Variants in SGCZ observed in about 807,000 individuals in gnomAD.
SGCZ encodes the protein sarcoglycan zeta.
Under a neutral mutation model 41.3 loss-of-function variants are expected in SGCZ, and 40 were observed. That is an observed-to-expected ratio of 0.97 (90% CI 0.75 to 1.26). The LOEUF (loss-of-function observed/expected upper bound fraction) is 1.26, where lower values mean the gene tolerates loss of function less well. Among genes scored for constraint, SGCZ ranks in the 50% most tolerant of loss-of-function variants. The pLI is 0.00. For synonymous variants in SGCZ, 206 were observed against 137.5 expected, an observed-to-expected ratio of 1.50 and a Z score of -3.49; for missense variants, 552 against 369.8, an observed-to-expected ratio of 1.49 and a Z score of -4.04.
intron 4 of SGCZ, among the ~76,000 whole-genome samples, chr8:14,203,575 G>C (rs1805524290): frequency 6.6e-6 from 1 of 151,656 alleles, no homozygotes; most frequent in Non-Finnish European, 1.5e-5. Flanking sequence ...GCCAGAGTTT[G>C]AGTATTTTCT....
intron 1 of SGCZ, among the ~76,000 whole-genome samples, chr8:14,876,317 A>C (rs1804355155): frequency 6.6e-6 from 1 of 152,208 alleles, no homozygotes; most frequent in Admixed American, 6.6e-5. Context: ...AAAACAACAT[A>C]GCATTACAAA....
At chr8:14,984,469 A>G (rs1801766357) in intron 1 of SGCZ, among the ~76,000 whole-genome samples, 2 of 152,094 alleles carry the variant, frequency 1.3e-5, no homozygotes, top group African/African-American at 2.4e-5. Flanking sequence ...CCTTTAATCT[A>G]TAGATTTTTT....
intron 1 of SGCZ, among the ~76,000 whole-genome samples, chr8:14,678,101 A>G (rs1808332246): frequency 6.6e-6 from 1 of 152,214 alleles, no homozygotes; most frequent in South Asian, 2.1e-4. Context: ...CAAGTAACAT[A>G]GGAGAAAATC....
chr8:14,536,575 A>G (rs1011917267), intron 2 of SGCZ, among the ~76,000 whole-genome samples: 64 of 151,932 alleles, frequency 4.2e-4, no homozygotes, highest in African/African-American at 1.4e-3. Flanking sequence ...AGGAATTTCT[A>G]TAATTTAAGC....
At chr8:14,801,218 T>A (rs547726599) in intron 1 of SGCZ, among the ~76,000 whole-genome samples, 1 of 152,258 alleles carries the variant, frequency 6.6e-6, no homozygotes, top group East Asian at 1.9e-4. Context: ...ACTCAGTGTA[T>A]TGAAACAGAG....
At chr8:15,171,500 T>C (rs545583528) in intron 1 of SGCZ, among the ~76,000 whole-genome samples, 2 of 152,368 alleles carry the variant, frequency 1.3e-5, no homozygotes, top group South Asian at 4.1e-4. Flanking sequence ...TCAGAGTCCC[T>C]GTGCTCTGAA....
intron 2 of SGCZ, among the ~76,000 whole-genome samples, chr8:14,410,337 T>A (rs1799325662): frequency 6.6e-6 from 1 of 151,766 alleles, no homozygotes; most frequent in Non-Finnish European, 1.5e-5. Flanking sequence ...TTCTGAGCAT[T>A]CTGAGTATGT....
intron 1 of SGCZ, among the ~76,000 whole-genome samples, chr8:15,062,932 AC>A (rs1303385760): frequency 1.6e-4 from 24 of 152,070 alleles, no homozygotes; most frequent in Admixed American, 1.6e-3. Context: ...CTAACAAAGT[AC>A]TGCCTAGTAG....
chr8:14,388,744 C>G (rs944206456), intron 2 of SGCZ, among the ~76,000 whole-genome samples: 2 of 151,482 alleles, frequency 1.3e-5, no homozygotes, highest in Non-Finnish European at 2.9e-5. Context: ...ATGTAACAGT[C>G]TGTACAACAA....
intron 1 of SGCZ, among the ~76,000 whole-genome samples, chr8:15,069,231 G>A (rs931224765): frequency 1.8e-4 from 28 of 152,110 alleles, no homozygotes; most frequent in African/African-American, 6.7e-4. Flanking sequence ...ACAGGGTCTT[G>A]TTATGATGCC....
intron 1 of SGCZ, among the ~76,000 whole-genome samples, chr8:14,743,600 C>T (rs1222406525): frequency 6.6e-6 from 1 of 151,844 alleles, no homozygotes; most frequent in African/African-American, 2.4e-5. Flanking sequence ...CATAAAGATA[C>T]AGTATTGCAT....
chr8:14,993,178 C>A (rs1802083416), intron 1 of SGCZ, among the ~76,000 whole-genome samples: 3 of 152,198 alleles, frequency 2.0e-5, no homozygotes. Flanking sequence ...TGAGGTTAGT[C>A]TGACAGCCCT....
intron 7 of SGCZ, among the ~76,000 whole-genome samples, chr8:14,097,299 T>C (rs1008259098): frequency 3.3e-5 from 5 of 152,236 alleles, no homozygotes; most frequent in Non-Finnish European, 5.9e-5. Flanking sequence ...GTTGTGTCTT[T>C]GTTCTCATTG....
intron 4 of SGCZ, among the ~76,000 whole-genome samples, chr8:14,173,911 AC>A (rs1804464952): frequency 6.6e-6 from 1 of 152,132 alleles, no homozygotes. Flanking sequence ...ATAAAAACAG[AC>A]ATGCTAACAT....
At chr8:14,417,962 T>G (rs1799541244) in intron 2 of SGCZ, among the ~76,000 whole-genome samples, 1 of 151,862 alleles carries the variant, frequency 6.6e-6, no homozygotes, top group South Asian at 2.1e-4. Context: ...TGTCATATTA[T>G]TTGTCGAAGC....
chr8:14,585,718 T>A (rs181690695), intron 1 of SGCZ, among the ~76,000 whole-genome samples: 3 of 152,286 alleles, frequency 2.0e-5, no homozygotes, highest in African/African-American at 7.2e-5. Flanking sequence ...AAATATATAA[T>A]GTTTCTTAAT....
At chr8:14,279,191 G>A (rs190617651) in intron 3 of SGCZ, among the ~76,000 whole-genome samples, 2 of 151,448 alleles carry the variant, frequency 1.3e-5, no homozygotes, top group East Asian at 1.9e-4. Context: ...GAGGAGCAAG[G>A]GGGGAAAGGG....
At chr8:14,510,871 C>G (rs1802447052) in intron 2 of SGCZ, among the ~76,000 whole-genome samples, 1 of 152,034 alleles carries the variant, frequency 6.6e-6, no homozygotes, top group South Asian at 2.1e-4. Context: ...TCATTAAGGA[C>G]TTGGGAAGCA....
intron 1 of SGCZ, among the ~76,000 whole-genome samples, chr8:14,753,461 TGAA>T (rs889192174): frequency 4.6e-4 from 70 of 152,308 alleles, no homozygotes; most frequent in African/African-American, 1.6e-3. Flanking sequence ...GCTATAGCAT[TGAA>T]GAAGAAAATT....
Sources: allele counts gnomAD v4.1 joint callset (sites outside exome capture counted in the v4.1 genomes callset), GRCh38; gene constraint gnomAD v4.1.1; transcripts MANE v1.5; gene names NCBI Gene and HGNC (gene_info 2026-07-23, HGNC 2026-07-21).